Variants in SGCZ observed in about 807,000 individuals in gnomAD.
SGCZ encodes the protein zeta-sarcoglycan.
A neutral mutation model predicts 41.3 loss-of-function variants in SGCZ; 40 were observed. The ratio of observed to expected loss-of-function variants is 0.97; its 90% CI spans 0.75 to 1.26. SGCZ has a LOEUF of 1.26. Ranked by LOEUF, SGCZ falls within the 50% of genes most tolerant of loss-of-function variation. The probability of loss-of-function intolerance (pLI) is 0.00; values close to 1 mark genes in which losing one functional copy is unlikely to be tolerated. For missense variants in SGCZ, 552 were observed against 369.8 expected, an observed-to-expected ratio of 1.49 and a Z score of -4.04; for synonymous variants, 206 against 137.5, an observed-to-expected ratio of 1.50 and a Z score of -3.49.
chr8:14,714,794 G>A (rs767627124), intron 1 of SGCZ, among the ~76,000 whole-genome samples: 7 of 152,126 alleles, frequency 4.6e-5, no homozygotes, highest in African/African-American at 1.4e-4. Flanking sequence ...TGGAATTTTT[G>A]TGCTTCTAGA....
intron 1 of SGCZ, among the ~76,000 whole-genome samples, chr8:15,004,557 G>C (rs1355380462): frequency 3.3e-5 from 5 of 152,190 alleles, no homozygotes; most frequent in Non-Finnish European, 5.9e-5. Flanking sequence ...CTGGGTTGCA[G>C]TGTCTCATTC....
chr8:14,130,548 G>C (rs1196715524), intron 5 of SGCZ, among the ~76,000 whole-genome samples: 1 of 152,136 alleles, frequency 6.6e-6, no homozygotes, highest in African/African-American at 2.4e-5. Context: ...TGAAGAAGAA[G>C]GCTAAAGTAC....
chr8:15,078,147 C>CTTTTTTTTTTTT (rs34411963), intron 1 of SGCZ, among the ~76,000 whole-genome samples: 1 of 44,798 alleles, frequency 2.2e-5, no homozygotes, highest in Non-Finnish European at 4.3e-5. Flanking sequence ...AGGAACTCTT[C>CTTTTTTTTTTTT]TTTTTTTTTT....
intron 1 of SGCZ, among the ~76,000 whole-genome samples, chr8:14,690,135 C>A (rs944278077): frequency 2.8e-5 from 4 of 145,412 alleles, no homozygotes; most frequent in Non-Finnish European, 6.0e-5. Flanking sequence ...TTTTTAAAGT[C>A]CATGGACTTC....
intron 2 of SGCZ, among the ~76,000 whole-genome samples, chr8:14,340,396 C>T (rs147863031): frequency 0.011 from 1,690 of 152,252 alleles, 28 homozygotes; most frequent in African/African-American, 0.037. Context: ...TGTCCTGTTC[C>T]ATCTTCTTTG....
chr8:14,430,452 T>C (rs1043030827), intron 2 of SGCZ, among the ~76,000 whole-genome samples: 36 of 152,104 alleles, frequency 2.4e-4, no homozygotes, highest in African/African-American at 8.2e-4. Flanking sequence ...AATGACATGA[T>C]CATGTCATCA....
intron 2 of SGCZ, among the ~76,000 whole-genome samples, chr8:14,326,011 C>G (rs1484271123): frequency 1.4e-5 from 2 of 144,602 alleles, no homozygotes; most frequent in Non-Finnish European, 3.0e-5. Flanking sequence ...ACTCGGAAGG[C>G]TGAGGCAGGA....
chr8:14,728,672 A>G (rs1355040863), intron 1 of SGCZ, among the ~76,000 whole-genome samples: 1 of 152,204 alleles, frequency 6.6e-6, no homozygotes, highest in Non-Finnish European at 1.5e-5. Flanking sequence ...TCATTTATTT[A>G]TGTCTCAATC....
intron 2 of SGCZ, among the ~76,000 whole-genome samples, chr8:14,384,072 G>A (rs548310633): frequency 1.3e-4 from 19 of 151,560 alleles, no homozygotes; most frequent in Middle Eastern, 3.4e-3. Context: ...CCATTAACTC[G>A]TCATTTAGCA....
chr8:14,926,532 G>A (rs756820639), intron 1 of SGCZ, among the ~76,000 whole-genome samples: 2 of 152,014 alleles, frequency 1.3e-5, no homozygotes, highest in Admixed American at 6.6e-5. Flanking sequence ...TACTGAAATT[G>A]TATTTCACCA....
chr8:14,562,162 C>G (rs1804225667), intron 1 of SGCZ, among the ~76,000 whole-genome samples: 1 of 151,992 alleles, frequency 6.6e-6, no homozygotes, highest in Non-Finnish European at 1.5e-5. Flanking sequence ...GAAAATAGTT[C>G]AAAATATTAG....
intron 1 of SGCZ, among the ~76,000 whole-genome samples, chr8:15,108,178 T>G (rs988593034): frequency 2.0e-5 from 3 of 152,240 alleles, no homozygotes; most frequent in Non-Finnish European, 4.4e-5. Flanking sequence ...TTAATTTTGC[T>G]GCTCTTTTAA....
At chr8:14,250,545 C>T (rs1364467471) in intron 3 of SGCZ, among the ~76,000 whole-genome samples, 1 of 152,146 alleles carries the variant, frequency 6.6e-6, no homozygotes, top group Non-Finnish European at 1.5e-5. Flanking sequence ...AGCCTCCCCA[C>T]CTGAGGTCCT....
rs1318812674 is a variant in SGCZ at position 14,984,971 on chromosome 8, C to G, written c.39+252614G>C. Among the ~76,000 whole-genome samples, 6 of 152,024 alleles carry G rather than the reference C, an allele frequency of 3.9e-5. No individual in the cohort carries two copies. In the East Asian group the frequency reaches 9.6e-4, roughly 24 times the overall value. On this transcript the variant is annotated intron_variant, in intron 1 of 7. Transcript: ENST00000382080. ...CCACAGTATCTGTAGATTCCAACAA[C>G]AACAGTAATAATCCTTGTTTTTCTT...
At chr8:14,210,171 C>A (rs1029336194) in intron 4 of SGCZ, among the ~76,000 whole-genome samples, 6 of 152,164 alleles carry the variant, frequency 3.9e-5, no homozygotes, top group Non-Finnish European at 7.3e-5. Context: ...AATTCTCCTG[C>A]CTCAGCCTCC....
At chr8:14,616,036 C>G (rs4831621) in intron 1 of SGCZ, among the ~76,000 whole-genome samples, 51,908 of 151,974 alleles carry the variant, frequency 0.34, 9,106 homozygotes, top group East Asian at 0.62. Context: ...GTAATCCCAG[C>G]ACTTTGGGAG....
Position 14,702,826 on chromosome 8 carries a change from T to C in SGCZ, c.40-147900A>G, listed in dbSNP as rs537021498. ...GTAGGTAGTTAGGTAGATAGATAGA[T>C]AGATAGATAGATAGATAGATAGATA... On this transcript the variant is annotated intron_variant, in intron 1 of 7. Coordinates refer to ENST00000382080, the MANE Select transcript of SGCZ (RefSeq NM_139167.4). 1.5e-3 allele frequency among the ~76,000 whole-genome samples: 39 copies of C among 26,694 alleles called. 1 individual carries two copies. The highest frequency in any genetic ancestry group is 2.8e-3 in the Non-Finnish European group (28 of 9,980). 17.5% of individuals were successfully genotyped at this position (26,694 alleles called of 152,430 possible). A position where few individuals can be genotyped will look rare whatever the true frequency, so the allele number is the denominator to read the frequency against.
At chr8:14,678,983 G>A (rs1369553412) in intron 1 of SGCZ, among the ~76,000 whole-genome samples, 1 of 152,132 alleles carries the variant, frequency 6.6e-6, no homozygotes, top group African/African-American at 2.4e-5. Context: ...TTTCAGTCAA[G>A]GACAGACAGC....
chr8:15,091,213 C>T lies in SGCZ; in HGVS notation c.39+146372G>A, dbSNP rs75019998. Among the ~76,000 whole-genome samples the T allele has an allele frequency of 5.8e-3, 884 of 152,102 alleles. 7 individuals carry two copies. The highest frequency in any genetic ancestry group is 0.013 in the South Asian group (62 of 4,826). ...TATTTATTTTTCTTTTACAGATGGG[C>T]CCTCATTATGTTGCCCAGGCTGGCC... On this transcript the variant is annotated intron_variant, in intron 1 of 7. Coordinates refer to ENST00000382080, the MANE Select transcript of SGCZ (RefSeq NM_139167.4).
Sources: gnomAD v4.1 joint callset for allele counts (sites outside exome capture counted in the v4.1 genomes callset) on GRCh38, gnomAD v4.1.1 for gene constraint, MANE v1.5 for transcripts, NCBI Gene and HGNC (gene_info 2026-07-23, HGNC 2026-07-21) for gene names.